The following PHYHIP variants were observed in gnomAD, a reference collection of about 807,000 sequenced individuals.
The protein encoded by PHYHIP is phytanoyl-CoA 2-hydroxylase interacting protein, also known as phytanoyl-CoA hydroxylase-interacting protein.
In PHYHIP, 7 loss-of-function variants were observed where a neutral mutation model predicts 26.1. The observed-to-expected ratio is 0.27, with a 90% CI of 0.15 to 0.50. PHYHIP has a LOEUF of 0.50. Among genes scored for constraint, PHYHIP ranks in the 20% least tolerant of loss-of-function variants. PHYHIP has a pLI of 0.98. For synonymous variants in PHYHIP, 206 were observed against 183.4 expected (o/e 1.12, Z -1.00); for missense variants, 232 against 454.7 (o/e 0.51, Z 4.45).
chr8:22,227,967 T>C (rs574182472), intron 2 of PHYHIP, among the ~76,000 whole-genome samples: 2 of 152,376 alleles, frequency 1.3e-5, no homozygotes, highest in South Asian at 2.1e-4. Flanking sequence ...CATGACTCAC[T>C]GCATCCTCTC....
chr8:22,223,391 G>GCTGC (rs1829674070), intron 4 of PHYHIP, among the ~76,000 whole-genome samples: 1 of 149,884 alleles, frequency 6.7e-6, no homozygotes, highest in South Asian at 2.1e-4. Flanking sequence ...AGGCAGAGCA[G>GCTGC]CTGCTTGCCC....
At chr8:22,227,438 C>A (rs947422072) in intron 2 of PHYHIP, among the ~76,000 whole-genome samples, 2 of 152,220 alleles carry the variant, frequency 1.3e-5, no homozygotes, top group Non-Finnish European at 2.9e-5. Context: ...GTTGAACATT[C>A]ACGTCACCGT....
Position 22,220,726 on chromosome 8 carries a change from G to A in PHYHIP, c.*627C>T, listed in dbSNP as rs1450131850. On this transcript the variant is annotated 3_prime_UTR_variant, in exon 5 of 5. Transcript: ENST00000454243. ...TAGAGAGCAGGGGGAGTGTCCCGGT[G>A]GGCAGGTGGAGAAGGAGGGACAGCT... The A allele has an allele frequency of 6.6e-6, 1 of 152,430 alleles. No individual in the cohort carries two copies. The highest frequency in any genetic ancestry group is 1.5e-5 in the Non-Finnish European group (1 of 68,174). The allele number at this position is 152,430 out of a possible 1,614,324, so 9.4% of individuals were successfully genotyped here.
In PHYHIP at chr8:22,228,803, G is replaced by A. The variant is rs75674729; in HGVS notation, c.-29-417C>T. 176 of 157,832 alleles carry A rather than the reference G, an allele frequency of 1.1e-3. 6 individuals carry two copies. In the East Asian group the frequency reaches 0.032, roughly 29 times the overall value. The allele number at this position is 157,832 out of a possible 1,614,324, so 9.8% of individuals were successfully genotyped here. On this transcript the variant is annotated intron_variant, in intron 1 of 4. Transcript: ENST00000454243. Reference sequence around the variant, plus strand: ...CAGGAAGCACCTGCTGTGGAGCGGAGGTGCGAGGCTTGGGGCAGGTGACAG... The same window carrying A: ...CAGGAAGCACCTGCTGTGGAGCGGAAGTGCGAGGCTTGGGGCAGGTGACAG...
chr8:22,219,791 G>C lies in PHYHIP; in HGVS notation c.*1562C>G, dbSNP rs1367138384. ...ACAGGCAGGCGGACCCCAGCCCCGG[G>C]GGGACATGAGGGCCAGGGGAGGGCA... On this transcript the variant is annotated 3_prime_UTR_variant, in exon 5 of 5. Coordinates refer to ENST00000454243, the MANE Select transcript of PHYHIP (RefSeq NM_014759.5). 1 of 153,436 alleles carries C rather than the reference G, an allele frequency of 6.5e-6. No individual in the cohort carries two copies. The highest frequency in any genetic ancestry group is 1.5e-5 in the Non-Finnish European group (1 of 68,698). 9.5% of individuals were successfully genotyped at this position (153,436 alleles called of 1,614,324 possible). A position where few individuals can be genotyped will look rare whatever the true frequency, so the allele number is the denominator to read the frequency against.
chr8:22,228,335 T>C lies in PHYHIP; in HGVS notation c.23A>G (p.His8Arg). Reference sequence around the variant, plus strand: ...GGTGATGTTGTTGATCTCAATGCTGTGGGGCGTGGACAGCAGCTCCATGCT... The same window carrying C: ...GGTGATGTTGTTGATCTCAATGCTGCGGGGCGTGGACAGCAGCTCCATGCT... MELLSTP[H>R]SIEINNITCD... The change falls in exon 2 of 5, where the codon CAC (histidine) becomes CGC (arginine). Residue 8 changes from histidine (H) to arginine (R), a missense_variant. His to Arg is a conservative substitution (Grantham distance 29). Transcript: ENST00000454243. 1 of 1,603,324 alleles carries C rather than the reference T, an allele frequency of 6.2e-7. No homozygotes were observed. The highest frequency in any genetic ancestry group is 8.5e-7 in the Non-Finnish European group (1 of 1,175,334).
Position 22,224,252 on chromosome 8 carries a change from A to T in PHYHIP, c.432T>A (p.His144Gln), listed in dbSNP as rs776747918. The T allele has an allele frequency of 4.5e-5, 72 of 1,610,562 alleles. No homozygotes were observed. Among genetic ancestry groups the T allele is most frequent in the Non-Finnish European group, 5.8e-5 (68 of 1,177,310 alleles). ...TGGCATGCTGGAAGTACTCCTTGTG[A>T]TGGTTGCGGTAGAAGACGGAGAAGC... is the stretch of plus-strand genomic sequence containing the variant. ...MLRFSVFYRNHHKEYFQHART... is the reference protein window; with the variant it reads ...MLRFSVFYRNQHKEYFQHART... Residue 144 changes from histidine (H) to glutamine (Q), a missense_variant, in exon 4 of 5, where the codon CAT (histidine) becomes CAA (glutamine). His to Gln is a conservative substitution (Grantham distance 24). Transcript: ENST00000454243.
At position 22,220,419 on chromosome 8, in the gene PHYHIP, G is replaced by A. The variant is rs1586484619; in HGVS notation, c.*934C>T. 6.5e-6 allele frequency: 1 copy of A among 152,700 alleles called. No individual in the cohort carries two copies. Among genetic ancestry groups the A allele is most frequent in the South Asian group, 2.1e-4 (1 of 4,844 alleles). The allele number at this position is 152,700 out of a possible 1,614,324, so 9.5% of individuals were successfully genotyped here. The stretch of plus-strand genomic sequence containing the variant: ...TACAGTCATGGCACCATGGCAGAGC[G>A]AGTGAGCAAAGTGCACAGCTGGGCG... On this transcript the variant is annotated 3_prime_UTR_variant, in exon 5 of 5. Coordinates refer to ENST00000454243, the MANE Select transcript of PHYHIP (RefSeq NM_014759.5).
chr8:22,229,608 G>A (rs1257155702), intron 1 of PHYHIP, among the ~76,000 whole-genome samples: 4 of 152,118 alleles, frequency 2.6e-5, no homozygotes, highest in South Asian at 2.1e-4. Context: ...GACAGCAGAC[G>A]TGGGTGGGGC....
chr8:22,230,859 A>G (rs950805106), intron 1 of PHYHIP, among the ~76,000 whole-genome samples: 26 of 151,904 alleles, frequency 1.7e-4, no homozygotes, highest in African/African-American at 6.3e-4. Flanking sequence ...ACACACGTCC[A>G]CGCACACCGC....
At chr8:22,224,894 T>C (rs1220881680) in intron 3 of PHYHIP, among the ~76,000 whole-genome samples, 1 of 152,104 alleles carries the variant, frequency 6.6e-6, no homozygotes, top group Non-Finnish European at 1.5e-5. Flanking sequence ...AGCTTGAGCA[T>C]CTCAGGAGAA....
At position 22,228,274 on chromosome 8, in the gene PHYHIP, G is replaced by A. The variant is rs2131931268; in HGVS notation, c.84C>T (p.Asp28=). Residue 28 remains aspartate (D), a synonymous_variant, in exon 2 of 5, where the codon GAC becomes GAT. Transcript: ENST00000454243. Reference sequence around the variant, plus strand: ...AATGGGTGACCCTCTCCAGGTCACTGTCCTCCATGGCCCAGGAGATGCGGA... The same window carrying A: ...AATGGGTGACCCTCTCCAGGTCACTATCCTCCATGGCCCAGGAGATGCGGA... ...DSFRISWAME[D]SDLERVTHYF... 1 of 1,612,342 alleles carries A rather than the reference G, an allele frequency of 6.2e-7. No homozygotes were observed. Among genetic ancestry groups the A allele is most frequent in the African/African-American group, 1.3e-5 (1 of 75,004 alleles).
At chr8:22,230,330 C>T (rs1158777866) in intron 1 of PHYHIP, among the ~76,000 whole-genome samples, 1 of 152,078 alleles carries the variant, frequency 6.6e-6, no homozygotes, top group Non-Finnish European at 1.5e-5. Context: ...ATTCCTGCCT[C>T]TCCTTGGAGT....
At chr8:22,225,857 A>G (rs1438925345) in intron 3 of PHYHIP, among the ~76,000 whole-genome samples, 2 of 152,064 alleles carry the variant, frequency 1.3e-5, no homozygotes, top group East Asian at 1.9e-4. Flanking sequence ...GCACCACTCA[A>G]AAGACAACAG....
At chr8:22,228,640 G>C in intron 1 of PHYHIP, 1 of 304,270 alleles carries the variant, frequency 3.3e-6, no homozygotes, top group Admixed American at 4.7e-5. Flanking sequence ...AGGTGGCAGA[G>C]GCAGTGGGAA....
rs1440524946 is a variant in PHYHIP at position 22,221,737 on chromosome 8, G to T, written c.609C>A (p.Arg203=). ...GCTGAGCTGGGATCTGGAAGCGCCA[G>T]CGGCCGTAGGGGGAGTCCTGCGGGG... is the stretch of plus-strand genomic sequence containing the variant. ...GQPPQDSPYG[R]WRFQIPAQRL... is the part of the protein sequence containing the mutation. The change falls in exon 5 of 5, where the codon CGC becomes CGA. Residue 203 remains arginine, a synonymous_variant. Coordinates refer to ENST00000454243, the MANE Select transcript of PHYHIP (RefSeq NM_014759.5). This position sits in a 1 kb window ranked among gnomAD's most constrained non-coding sequence, Gnocchi z 7.9. The T allele has an allele frequency of 6.2e-7, 1 of 1,613,314 alleles. No individual in the cohort carries two copies. The highest frequency in any genetic ancestry group is 2.2e-5 in the East Asian group (1 of 44,874).
At position 22,227,355 on chromosome 8, in the gene PHYHIP, G is replaced by A. The variant is rs763362765; in HGVS notation, c.166-330C>T. On this transcript the variant is annotated intron_variant, in intron 2 of 4. Coordinates refer to ENST00000454243, the MANE Select transcript of PHYHIP (RefSeq NM_014759.5). Reference sequence around the variant, plus strand: ...ACTGCAGTGCCGTCTCCACGGCAACGGCAAATGCTGAGAAGCCAGGGAGGA... The same window carrying A: ...ACTGCAGTGCCGTCTCCACGGCAACAGCAAATGCTGAGAAGCCAGGGAGGA... Among the ~76,000 whole-genome samples the A allele has an allele frequency of 7.2e-5, 11 of 152,228 alleles. No homozygotes were observed. The South Asian group carries it at 1.0e-3, about 14-fold the overall frequency.
chr8:22,224,188 G>A (rs1345038114), intron 4 of PHYHIP, 38 bp downstream of exon 4: 2 of 1,210,058 alleles, frequency 1.7e-6, no homozygotes, highest in East Asian at 2.3e-5. Context: ...GGAGGGAGGA[G>A]AGGCCCGGCG....
Position 22,221,909 on chromosome 8 carries a change from A to G in PHYHIP, c.459-22T>C, listed in dbSNP as rs1400964302. Reference sequence around the variant, plus strand: ...GGTCCTGCCCACCCCAGGGAGACACACCAAAGGGAAGAGAAGATGTGGCTG... The same window carrying G: ...GGTCCTGCCCACCCCAGGGAGACACGCCAAAGGGAAGAGAAGATGTGGCTG... On this transcript the variant is annotated intron_variant, in intron 4 of 4. Transcript: ENST00000454243. This position sits in a 1 kb window ranked among gnomAD's most constrained non-coding sequence, Gnocchi z 7.9. 1.4e-6 allele frequency: 2 copies of G among 1,478,776 alleles called. No individual in the cohort carries two copies. Among genetic ancestry groups the G allele is most frequent in the Non-Finnish European group, 1.8e-6 (2 of 1,112,660 alleles). The allele number at this position is 1,478,776 out of a possible 1,614,324, so 91.6% of individuals were successfully genotyped here. A position where few individuals can be genotyped will look rare whatever the true frequency, so the allele number is the denominator to read the frequency against.
Sources: gnomAD v4.1 joint callset for allele counts (sites outside exome capture counted in the v4.1 genomes callset) on GRCh38, gnomAD v4.1.1 for gene constraint, Gnocchi (gnomAD v3.1) non-coding constraint, MANE v1.5 for transcripts, NCBI Gene and HGNC (gene_info 2026-07-23, HGNC 2026-07-21) for gene names.